REV3L: variants seen among roughly 807,000 people sequenced by gnomAD.
REV3L encodes the protein REV3 like, DNA directed polymerase zeta catalytic subunit.
A neutral mutation model predicts 299.4 loss-of-function variants in REV3L; 69 were observed. The ratio of observed to expected loss-of-function variants is 0.23; its 90% confidence interval spans 0.19 to 0.28. The LOEUF is 0.28. REV3L is among the 10% of genes least tolerant of loss of function. REV3L has a pLI of 1.00. For missense variants in REV3L, 3,128 were observed against 3,693.8 expected, an observed-to-expected ratio of 0.85 and a Z score of 3.97; for synonymous variants, 1,238 against 1,271.4, an observed-to-expected ratio of 0.97 and a Z score of 0.56.
At chr6:111,341,450 T>C (rs1776475335) in intron 21 of REV3L, among the ~76,000 whole-genome samples, 1 of 152,240 alleles carries the variant, frequency 6.6e-6, no homozygotes, top group African/African-American at 2.4e-5. Context: ...GATTGGAATA[T>C]GCGATGACAT....
At chr6:111,350,627 G>A (rs913845078) in intron 19 of REV3L, among the ~76,000 whole-genome samples, 1 of 151,950 alleles carries the variant, frequency 6.6e-6, no homozygotes, top group Non-Finnish European at 1.5e-5. Context: ...CCCAAGCTTG[G>A]GTGCAGTGGT....
At chr6:111,336,314 A>G (rs1775892650) in intron 21 of REV3L, among the ~76,000 whole-genome samples, 1 of 152,080 alleles carries the variant, frequency 6.6e-6, no homozygotes, top group Non-Finnish European at 1.5e-5. Flanking sequence ...AGTATACTAT[A>G]AGGAATAAAA....
chr6:111,448,694 C>T (rs1307084173), intron 1 of REV3L, among the ~76,000 whole-genome samples: 14 of 151,820 alleles, frequency 9.2e-5, no homozygotes, highest in Admixed American at 9.2e-4. Context: ...AATCACGGCT[C>T]ACTGTAGCCT....
At chr6:111,407,000 AGAAGAGCTCT>A (rs2128276369) in intron 3 of REV3L, among the ~76,000 whole-genome samples, 1 of 152,318 alleles carries the variant, frequency 6.6e-6, no homozygotes, top group African/African-American at 2.4e-5. Context: ...CACAAAAGAT[AGAAGAGCTCT>A]GAGGTGGGAG....
At chr6:111,420,355 T>C (rs1443157462) in intron 1 of REV3L, among the ~76,000 whole-genome samples, 3 of 152,102 alleles carry the variant, frequency 2.0e-5, no homozygotes, top group Non-Finnish European at 4.4e-5. Context: ...CACATACTTA[T>C]TATTTTGTGG....
intron 22 of REV3L, 142 bp from the exon 23 acceptor site, chr6:111,333,509 T>C (rs1279285522): frequency 1.6e-5 from 17 of 1,093,804 alleles, no homozygotes; most frequent in Non-Finnish European, 2.0e-5. Flanking sequence ...TGTTTCGCTC[T>C]TGTTGCCCAA....
At chr6:111,468,813 T>G (rs543202138) in intron 1 of REV3L, among the ~76,000 whole-genome samples, 2 of 152,192 alleles carry the variant, frequency 1.3e-5, no homozygotes, top group Non-Finnish European at 2.9e-5. Context: ...AGTTTTCTAC[T>G]TTTATAGAAT....
intron 1 of REV3L, among the ~76,000 whole-genome samples, chr6:111,456,265 AGAG>A (rs1790147146): frequency 6.6e-6 from 1 of 152,176 alleles, no homozygotes; most frequent in Non-Finnish European, 1.5e-5. Flanking sequence ...TACAACTGCA[AGAG>A]GAGTGCCAGA....
At chr6:111,399,025 G>GA (rs945295263) in intron 4 of REV3L, among the ~76,000 whole-genome samples, 1 of 151,956 alleles carries the variant, frequency 6.6e-6, no homozygotes, top group African/African-American at 2.4e-5. Flanking sequence ...CCGATATTCT[G>GA]AAAAAAACCC....
intron 24 of REV3L, chr6:111,331,055 T>C: frequency 1.0e-6 from 1 of 975,440 alleles, no homozygotes; most frequent in Non-Finnish European, 1.2e-6. Context: ...ACAGACTCAC[T>C]GCTAAGAAAA....
At position 111,300,083 on chromosome 6, in the gene REV3L, T is replaced by A; in HGVS notation, c.9326A>T (p.Lys3109Ile). 6.2e-7 allele frequency: 1 copy of A among 1,613,794 alleles called. No individual in the cohort carries two copies. The highest frequency in any genetic ancestry group is 8.5e-7 in the Non-Finnish European group (1 of 1,179,792). Reference protein sequence around the residue: ...CVSLNCPVLFKLSRVNRELSK... With the variant: ...CVSLNCPVLFILSRVNRELSK... ...CAATTCTCTATTTACTCGGGAGAGT[T>A]TGAAAAGTACTGGGCAGTTCAGAGA... Residue 3109 changes from lysine (K) to isoleucine (I), a missense_variant, in exon 32 of 32, where the codon AAA becomes ATA. Around this residue, in one of 9 missense-constraint regions of REV3L, gnomAD observed 294 missense variants for 377.0 expected, o/e 0.78. Transcript: ENST00000368802.
chr6:111,430,047 G>A (rs1055760704), intron 1 of REV3L, among the ~76,000 whole-genome samples: 2 of 152,154 alleles, frequency 1.3e-5, no homozygotes, highest in Non-Finnish European at 2.9e-5. Context: ...GCAGGTTCCA[G>A]GGGAAGAAAA....
intron 23 of REV3L, among the ~76,000 whole-genome samples, chr6:111,332,284 G>C (rs1470323575): frequency 2.0e-5 from 3 of 152,080 alleles, no homozygotes; most frequent in Non-Finnish European, 2.9e-5. Context: ...TGTTAGCCAG[G>C]ATGGTCTCGA....
intron 25 of REV3L, among the ~76,000 whole-genome samples, chr6:111,327,257 G>A (rs950435726): frequency 6.6e-6 from 1 of 152,112 alleles, no homozygotes; most frequent in Non-Finnish European, 1.5e-5. Flanking sequence ...TTAGGGAAAT[G>A]TGGAAATGGC....
At chr6:111,361,866 T>C (rs1778724925) in intron 16 of REV3L, among the ~76,000 whole-genome samples, 2 of 152,190 alleles carry the variant, frequency 1.3e-5, no homozygotes, top group African/African-American at 4.8e-5. Flanking sequence ...CAGTTTGGAA[T>C]GTGCCTTGAG....
At chr6:111,440,827 T>C (rs912831222) in intron 1 of REV3L, among the ~76,000 whole-genome samples, 2 of 152,220 alleles carry the variant, frequency 1.3e-5, no homozygotes, top group Non-Finnish European at 2.9e-5. Flanking sequence ...AGAAAGTTTT[T>C]TATTTCTCTT....
At chr6:111,434,597 C>T (rs777083458) in intron 1 of REV3L, among the ~76,000 whole-genome samples, 1 of 145,090 alleles carries the variant, frequency 6.9e-6, no homozygotes, top group Non-Finnish European at 1.5e-5. Flanking sequence ...CTAGCCTGGG[C>T]GACAGGGCGA....
chr6:111,328,862 C>T (rs762669245), intron 25 of REV3L, among the ~76,000 whole-genome samples: 5 of 152,060 alleles, frequency 3.3e-5, no homozygotes, highest in Non-Finnish European at 7.4e-5. Context: ...ACTTCCTGGG[C>T]TCTAGTGATC....
chr6:111,326,067 C>G (rs879635109), intron 25 of REV3L, among the ~76,000 whole-genome samples: 1 of 152,146 alleles, frequency 6.6e-6, no homozygotes, highest in Non-Finnish European at 1.5e-5. Context: ...TAATGTCCTT[C>G]AGTTCCATCC....
Sources: allele counts gnomAD v4.1 joint callset (sites outside exome capture counted in the v4.1 genomes callset), GRCh38; gene constraint gnomAD v4.1.1; regional missense constraint gnomAD v4.1.1; transcripts MANE v1.5; gene names NCBI Gene and HGNC (gene_info 2026-07-23, HGNC 2026-07-21).